The following NTMT1 variants were observed in gnomAD, a reference collection of about 807,000 sequenced individuals.
The protein encoded by NTMT1 is N-terminal RCC1 methyltransferase.
In NTMT1, 8 loss-of-function variants were observed where a neutral mutation model predicts 17.5. The observed-to-expected ratio is 0.46, with a 90% CI of 0.27 to 0.82. The LOEUF is 0.82. NTMT1 is among the 40% of genes least tolerant of loss of function. The pLI, the probability that NTMT1 is intolerant of heterozygous loss-of-function variation, is 0.15. For synonymous variants in NTMT1, 128 were observed against 126.8 expected (o/e 1.01, Z -0.06); for missense variants, 221 against 303.5 (o/e 0.73, Z 2.02).
chr9:129,635,675 G>A lies in NTMT1; in HGVS notation c.*211G>A, dbSNP rs546602332. ...CTGCTGAACCAGCGGTGAGGCAGGA[G>A]CCCAGACCCTGCTCTCCTGCGAGAT... On this transcript the variant is annotated 3_prime_UTR_variant, in exon 4 of 4. Coordinates refer to ENST00000372483, the MANE Select transcript of NTMT1 (RefSeq NM_014064.4). 8 of 601,068 alleles carry A rather than the reference G, an allele frequency of 1.3e-5. No individual in the cohort carries two copies. The highest frequency in any genetic ancestry group is 2.9e-5 in the East Asian group (1 of 34,678). The allele number at this position is 601,068 out of a possible 1,614,324, so 37.2% of individuals were successfully genotyped here. A position where few individuals can be genotyped will look rare whatever the true frequency, so the allele number is the denominator to read the frequency against.
upstream of NTMT1, among the ~76,000 whole-genome samples, chr9:129,625,997 G>A (rs1185814390): frequency 1.4e-5 from 2 of 138,786 alleles, no homozygotes; most frequent in African/African-American, 5.5e-5. Flanking sequence ...GCTTGACAGA[G>A]CAAGATTCTA....
At chr9:129,627,295 G>C (rs1830948077) in intron 1 of NTMT1, among the ~76,000 whole-genome samples, 1 of 152,188 alleles carries the variant, frequency 6.6e-6, no homozygotes, top group Non-Finnish European at 1.5e-5. Flanking sequence ...TGGCTGATTT[G>C]CAGAGCTGTT....
chr9:129,616,360 C>T (rs1201143415), intron 1 of NTMT1, among the ~76,000 whole-genome samples: 3 of 152,122 alleles, frequency 2.0e-5, no homozygotes, highest in East Asian at 1.9e-4. Context: ...GGACTACAGG[C>T]GTGTGCCACC....
upstream of NTMT1, among the ~76,000 whole-genome samples, chr9:129,623,176 A>G (rs907206992): frequency 4.0e-5 from 6 of 151,788 alleles, no homozygotes; most frequent in African/African-American, 1.2e-4. Context: ...TACTAAAAAT[A>G]CAAAAAATTA....
At position 129,620,686 on chromosome 9, in the gene NTMT1, G is replaced by T. The variant is rs892948782; in HGVS notation, c.-55+11508G>T. 3.9e-6 allele frequency: 4 copies of T among 1,020,728 alleles called. No homozygotes were observed. The African/African-American group carries it at 5.0e-5, about 13-fold the overall frequency. The allele number at this position is 1,020,728 out of a possible 1,614,324, so 63.2% of individuals were successfully genotyped here. A position where few individuals can be genotyped will look rare whatever the true frequency, so the allele number is the denominator to read the frequency against. On this transcript the variant is annotated intron_variant, in intron 1 of 3. Coordinates refer to the NTMT1 transcript ENST00000372486. This position sits in a 1 kb window ranked among gnomAD's most constrained non-coding sequence, Gnocchi z 5.8. ...AGGCCATAGTGCCCCGGGCGGGGCA[G>T]CGCGGTGCGGGGTGAACGCCACCGG...
At chr9:129,630,361 T>G (rs2118944031) in intron 1 of NTMT1, among the ~76,000 whole-genome samples, 1 of 152,226 alleles carries the variant, frequency 6.6e-6, no homozygotes, top group East Asian at 1.9e-4. Flanking sequence ...CAGTCCCAGC[T>G]ACCCTGGAGG....
chr9:129,610,626 A>T (rs945678401), intron 1 of NTMT1, among the ~76,000 whole-genome samples: 2 of 151,820 alleles, frequency 1.3e-5, no homozygotes, highest in African/African-American at 2.4e-5. Flanking sequence ...GCGCCGCGCG[A>T]GGGGAAAAGT....
At position 129,613,331 on chromosome 9, in the gene NTMT1, C is replaced by T; in HGVS notation, c.-55+4153C>T. On this transcript the variant is annotated intron_variant, in intron 1 of 3. Coordinates refer to the NTMT1 transcript ENST00000372486. This position sits in a 1 kb window ranked among gnomAD's most constrained non-coding sequence, Gnocchi z 6.2. The stretch of plus-strand genomic sequence containing the variant: ...ATGGCTGGCAGGGCCCTTGAGGACC[C>T]ACACTGGCAACCCGCCTGCTGCTGG... 6.4e-7 allele frequency: 1 copy of T among 1,565,968 alleles called. No individual in the cohort carries two copies. Among genetic ancestry groups the T allele is most frequent in the Admixed American group, 1.8e-5 (1 of 54,956 alleles).
At chr9:129,635,167 C>T (rs771120054) in intron 3 of NTMT1, 41 bp from the exon 4 acceptor site, 2 of 1,584,228 alleles carry the variant, frequency 1.3e-6, no homozygotes, top group Non-Finnish European at 1.7e-6. Flanking sequence ...CCGACATCCG[C>T]TTGCATGGTG....
chr9:129,629,694 AC>A (rs1179013758), intron 1 of NTMT1, among the ~76,000 whole-genome samples: 2 of 151,982 alleles, frequency 1.3e-5, no homozygotes, highest in Admixed American at 6.6e-5. Flanking sequence ...CCAGCCTGTT[AC>A]CCCAAAGGGC....
At chr9:129,623,675 T>C (rs1192655846), upstream of NTMT1, among the ~76,000 whole-genome samples, 1 of 152,090 alleles carries the variant, frequency 6.6e-6, no homozygotes, top group Non-Finnish European at 1.5e-5. Context: ...TGTCAATGCT[T>C]CTCACCAGGG....
At chr9:129,633,434 T>G (rs2118970226) in intron 2 of NTMT1, 1 of 173,390 alleles carries the variant, frequency 5.8e-6, no homozygotes. Flanking sequence ...TCCCCATTCC[T>G]CTCTGCCGTT....
chr9:129,627,198 C>T (rs1284914111), intron 1 of NTMT1, among the ~76,000 whole-genome samples: 1 of 151,846 alleles, frequency 6.6e-6, no homozygotes, highest in Non-Finnish European at 1.5e-5. Context: ...TGGTGGAGGC[C>T]GGAAGCCCTA....
intron 1 of NTMT1, among the ~76,000 whole-genome samples, chr9:129,629,227 G>T (rs1475215303): frequency 6.6e-6 from 1 of 152,102 alleles, no homozygotes; most frequent in Non-Finnish European, 1.5e-5. Context: ...GCTGGCAGAG[G>T]GGCAGGCAGC....
intron 1 of NTMT1, among the ~76,000 whole-genome samples, chr9:129,618,817 C>G (rs1267590013): frequency 6.6e-6 from 1 of 151,838 alleles, no homozygotes; most frequent in African/African-American, 2.4e-5. Flanking sequence ...CTCAGCCTCC[C>G]GAGTAGCTGG....
upstream of NTMT1, among the ~76,000 whole-genome samples, chr9:129,622,228 C>G (rs1375957488): frequency 6.6e-6 from 1 of 152,226 alleles, no homozygotes. Context: ...CACGGTGTCT[C>G]ACGCCTGTAA....
At chr9:129,633,796 G>A in intron 2 of NTMT1, 1 of 420,338 alleles carries the variant, frequency 2.4e-6, no homozygotes, top group Non-Finnish European at 4.3e-6. Flanking sequence ...TCCCACCACT[G>A]CATTCCAACC....
In NTMT1 at chr9:129,635,401, C is replaced by G; in HGVS notation, c.609C>G (p.Ala203=). The G allele has an allele frequency of 6.2e-7, 1 of 1,613,390 alleles. No individual in the cohort carries two copies. The highest frequency in any genetic ancestry group is 8.5e-7 in the Non-Finnish European group (1 of 1,179,826). The change falls in exon 4 of 4, where the codon GCC becomes GCG. Residue 203 remains alanine (A), a synonymous_variant. Transcript: ENST00000372483. ...GCAGTGCAGGCCTCAGCCTCCTGGC[C>G]GAGGAGAGGCAGGAGAACCTCCCCG... ...IICSAGLSLL[A]EERQENLPDE...
intron 1 of NTMT1, among the ~76,000 whole-genome samples, chr9:129,612,648 C>A (rs1214642529): frequency 6.6e-6 from 1 of 152,210 alleles, no homozygotes; most frequent in Non-Finnish European, 1.5e-5. Flanking sequence ...GAGGCCAAGG[C>A]GGACAGATCA....
Sources: gnomAD v4.1 joint callset for allele counts (sites outside exome capture counted in the v4.1 genomes callset) on GRCh38, gnomAD v4.1.1 for gene constraint, Gnocchi (gnomAD v3.1) non-coding constraint, MANE v1.5 for transcripts, NCBI Gene and HGNC (gene_info 2026-07-23, HGNC 2026-07-21) for gene names.